The following HS1BP3 variants were observed in gnomAD, a reference collection of about 807,000 sequenced individuals.
HS1BP3 encodes HCLS1 binding protein 3.
Under a neutral mutation model 33.5 loss-of-function variants are expected in HS1BP3, and 32 were observed. The observed-to-expected ratio is 0.95, with a 90% confidence interval of 0.72 to 1.28. The LOEUF (loss-of-function observed/expected upper bound fraction) is 1.28. Ranked by LOEUF, HS1BP3 falls within the 50% of genes most tolerant of loss-of-function variation. The pLI is 0.00. For synonymous variants in HS1BP3, 187 were observed against 209.2 expected, an observed-to-expected ratio of 0.89 and a Z score of 0.92; for missense variants, 486 against 502.3, an observed-to-expected ratio of 0.97 and a Z score of 0.31.
chr2:20,594,813 T>G (rs1693907277), intron 3 of HS1BP3, among the ~76,000 whole-genome samples: 1 of 152,166 alleles, frequency 6.6e-6, no homozygotes, highest in Non-Finnish European at 1.5e-5. Flanking sequence ...GCTCTCTGAT[T>G]CCTGGAGGGG....
downstream of HS1BP3, among the ~76,000 whole-genome samples, chr2:20,560,002 G>A (rs148305296): frequency 1.6e-4 from 25 of 152,274 alleles, 1 homozygote; most frequent in African/African-American, 6.0e-4. Context: ...GGAATACCAG[G>A]TGACCTGTTT....
chr2:20,623,916 G>A lies in HS1BP3; in HGVS notation c.900C>T (p.Asp300=), dbSNP rs371998609. 42 of 1,612,282 alleles carry A rather than the reference G, an allele frequency of 2.6e-5. No individual in the cohort carries two copies. The highest frequency in any genetic ancestry group is 1.6e-4 in the South Asian group (15 of 90,976). ...GGPTPSLSHR[D]ASKELFRVEE... Reference sequence around the variant, plus strand: ...GGTACCTGAACAGTTCCTTGGAGGCGTCCCTGTGGCTGAGGCTGGGTGTGG... The same window carrying A: ...GGTACCTGAACAGTTCCTTGGAGGCATCCCTGTGGCTGAGGCTGGGTGTGG... Residue 300 remains aspartate, a synonymous_variant, in exon 6 of 7, where the codon GAC becomes GAT. Transcript: ENST00000304031.
intron 5 of HS1BP3, among the ~76,000 whole-genome samples, chr2:20,578,939 T>A (rs1032524922): frequency 6.6e-6 from 1 of 152,220 alleles, no homozygotes; most frequent in African/African-American, 2.4e-5. Flanking sequence ...ACTACAAGGC[T>A]TTCTGTTTCT....
intron 5 of HS1BP3, among the ~76,000 whole-genome samples, chr2:20,569,851 C>G (rs1420211823): frequency 6.6e-6 from 1 of 152,234 alleles, no homozygotes; most frequent in African/African-American, 2.4e-5. Flanking sequence ...TTCCCATTTG[C>G]CCCACCGCCT....
At chr2:20,584,618 A>G (rs61272752) in intron 5 of HS1BP3, among the ~76,000 whole-genome samples, 11,836 of 152,218 alleles carry the variant, frequency 0.078, 635 homozygotes, top group African/African-American at 0.15. Context: ...AAGATGCAGA[A>G]GCTGATCCAG....
chr2:20,591,515 G>A (rs1335898429), downstream of HS1BP3, among the ~76,000 whole-genome samples: 1 of 152,150 alleles, frequency 6.6e-6, no homozygotes, highest in Non-Finnish European at 1.5e-5. Context: ...TCAAAGTTCT[G>A]GCCAGCCATG....
At chr2:20,640,261 C>G (rs1193372829) in intron 3 of HS1BP3, 1 of 152,406 alleles carries the variant, frequency 6.6e-6, no homozygotes, top group Admixed American at 6.5e-5. Context: ...CAGGACTAAC[C>G]GAGGAGTGGG....
At chr2:20,642,664 G>GT (rs1395764212) in intron 2 of HS1BP3, among the ~76,000 whole-genome samples, 2 of 152,334 alleles carry the variant, frequency 1.3e-5, no homozygotes, top group African/African-American at 4.8e-5. Context: ...CACTGGCATC[G>GT]TGAGTACTCC....
intron 5 of HS1BP3, among the ~76,000 whole-genome samples, chr2:20,575,157 T>C (rs1343923226): frequency 6.6e-6 from 1 of 152,260 alleles, no homozygotes; most frequent in Non-Finnish European, 1.5e-5. Context: ...TGGATTTCTC[T>C]GGAACTTTTG....
In HS1BP3 at chr2:20,595,178, G is replaced by C. The variant is rs1018431843; in HGVS notation, c.*13-2384C>G. Among the ~76,000 whole-genome samples, 3 of 152,120 alleles carry C rather than the reference G, an allele frequency of 2.0e-5. No individual in the cohort carries two copies. In the East Asian group the frequency reaches 5.8e-4, roughly 29 times the overall value. On this transcript the variant is annotated intron_variant, in intron 3 of 3. Transcript: ENST00000415264. Reference sequence around the variant, plus strand: ...CCTCAGTTTCCCAGCTGTGGGCAGAGATCACAGCAGCTGTCTCCTTTTCAG... The same window carrying C: ...CCTCAGTTTCCCAGCTGTGGGCAGACATCACAGCAGCTGTCTCCTTTTCAG...
At chr2:20,556,878 C>T (rs1362570830), downstream of HS1BP3, among the ~76,000 whole-genome samples, 1 of 152,202 alleles carries the variant, frequency 6.6e-6, no homozygotes, top group Admixed American at 6.5e-5. Context: ...CTTAAAATCA[C>T]CCAGATTTGT....
At chr2:20,626,453 G>A (rs889963019) in intron 4 of HS1BP3, among the ~76,000 whole-genome samples, 18 of 152,250 alleles carry the variant, frequency 1.2e-4, no homozygotes, top group Admixed American at 5.2e-4. Flanking sequence ...ACACAGCAGG[G>A]AAGGGACAGG....
At chr2:20,642,274 C>T (rs764496813) in intron 2 of HS1BP3, among the ~76,000 whole-genome samples, 2 of 152,158 alleles carry the variant, frequency 1.3e-5, no homozygotes, top group African/African-American at 4.8e-5. Context: ...TCCCTTGGTG[C>T]AGGGTGTGTC....
chr2:20,626,469 T>C (rs1052023705), intron 4 of HS1BP3, among the ~76,000 whole-genome samples: 3 of 152,208 alleles, frequency 2.0e-5, no homozygotes, highest in African/African-American at 7.2e-5. Flanking sequence ...ACAGGCAGGC[T>C]GGGTCTAGAT....
downstream of HS1BP3, chr2:20,591,320 A>G (rs142059732): frequency 6.0e-6 from 1 of 166,622 alleles, no homozygotes; most frequent in African/African-American, 2.4e-5. Context: ...CTCCCTGCAC[A>G]CTCCAAGGCC....
At chr2:20,617,120 G>A (rs1469042193), downstream of HS1BP3, among the ~76,000 whole-genome samples, 2 of 152,142 alleles carry the variant, frequency 1.3e-5, no homozygotes, top group Non-Finnish European at 2.9e-5. Flanking sequence ...AAGCAGGTGG[G>A]GAGCAGGAGG....
rs74774441 is a variant in HS1BP3, at chr2:20,567,173, A to G, written c.303-6658T>C. On this transcript the variant is annotated intron_variant, in intron 5 of 5. Coordinates refer to the HS1BP3 transcript ENST00000446825. ...CGACAACACCGAGACTTGGGAGTTG[A>G]CTTGATGTTACTGAGAAAAGGTCAC... is the stretch of plus-strand genomic sequence containing the variant. Among the ~76,000 whole-genome samples the G allele has an allele frequency of 9.2e-3, 1,397 of 152,124 alleles. 10 individuals carry two copies. Among genetic ancestry groups the G allele is most frequent in the Non-Finnish European group, 0.014 (981 of 68,002 alleles).
At chr2:20,563,741 C>T (rs902081279) in intron 5 of HS1BP3, among the ~76,000 whole-genome samples, 25 of 152,200 alleles carry the variant, frequency 1.6e-4, no homozygotes, top group Non-Finnish European at 2.9e-4. Context: ...CACCCCTCCA[C>T]CCTGGCAGTA....
intron 2 of HS1BP3, among the ~76,000 whole-genome samples, chr2:20,643,448 A>T (rs2149303143): frequency 6.6e-6 from 1 of 152,294 alleles, no homozygotes; most frequent in Non-Finnish European, 1.5e-5. Flanking sequence ...ACCTGGATCA[A>T]GTCAAATTAC....
Sources: gnomAD v4.1 joint callset for allele counts (sites outside exome capture counted in the v4.1 genomes callset) on GRCh38, gnomAD v4.1.1 for gene constraint, MANE v1.5 for transcripts, NCBI Gene and HGNC (gene_info 2026-07-23, HGNC 2026-07-21) for gene names.